The following DIO2 variants were observed in gnomAD, a reference collection of about 807,000 sequenced individuals.
DIO2 encodes type II iodothyronine deiodinase.
A neutral mutation model predicts 21.4 loss-of-function variants in DIO2; 19 were observed. The observed-to-expected ratio is 0.89, with a 90% confidence interval of 0.62 to 1.30. The LOEUF (loss-of-function observed/expected upper bound fraction) is 1.30, where lower values mean the gene tolerates loss of function less well. Ranked by LOEUF, DIO2 falls within the 50% of genes most tolerant of loss-of-function variation. DIO2 has a pLI of 0.00. For missense variants in DIO2, 302 were observed against 338.1 expected, an observed-to-expected ratio of 0.89 and a Z score of 0.84; for synonymous variants, 122 against 132.9, an observed-to-expected ratio of 0.92 and a Z score of 0.57.
chr14:80,230,103 G>A (rs1252371300), intron 2 of DIO2, among the ~76,000 whole-genome samples: 4 of 152,134 alleles, frequency 2.6e-5, no homozygotes, highest in Non-Finnish European at 5.9e-5. Context: ...AGACAAAGGT[G>A]GAAAGACTAA....
At position 80,203,141 on chromosome 14, in the gene DIO2, GT is replaced by G; in HGVS notation, c.369del (p.Leu124Ter). 1 of 1,613,378 alleles carries G rather than the reference GT, an allele frequency of 6.2e-7. No individual in the cohort carries two copies. Among genetic ancestry groups the G allele is most frequent in the Non-Finnish European group, 8.5e-7 (1 of 1,179,658 alleles). ...HLLDFASPER[P>X]LVVNFGSATU... ...GTGGCTGAGCCAAAGTTGACCACTA[GT>G]GGGCGCTCAGGGCTGGCAAAGTCAA... On this transcript the variant is annotated frameshift_variant, in exon 2 of 2. Coordinates refer to ENST00000438257, the MANE Select transcript of DIO2 (RefSeq NM_013989.5). LOFTEE classifies it high-confidence loss of function.
chr14:80,210,812 T>A (rs967035813), intron 1 of DIO2, among the ~76,000 whole-genome samples: 6 of 152,204 alleles, frequency 3.9e-5, no homozygotes, highest in Admixed American at 2.0e-4. Context: ...CATTTCTCAT[T>A]TCTTGCTTTT....
intron 2 of DIO2, chr14:80,231,035 C>T (rs1165040722): frequency 1.3e-5 from 2 of 152,156 alleles, no homozygotes; most frequent in African/African-American, 2.4e-5. Context: ...AAGATGTAGG[C>T]TGGGAGGCTA....
Position 80,203,131 on chromosome 14 carries a change from T to C in DIO2, c.380A>G (p.Asn127Ser), listed in dbSNP as rs1220949843. 15 of 1,613,446 alleles carry C rather than the reference T, an allele frequency of 9.3e-6. No individual in the cohort carries two copies. Among genetic ancestry groups the C allele is most frequent in the Non-Finnish European group, 1.1e-5 (13 of 1,179,736 alleles). The stretch of plus-strand genomic sequence containing the variant: ...AGGAGGTCAAGTGGCTGAGCCAAAG[T>C]TGACCACTAGTGGGCGCTCAGGGCT... ...FASPERPLVVNFGSATUPPFT... is the reference protein window; with the variant it reads ...FASPERPLVVSFGSATUPPFT... The change falls in exon 2 of 2, where the codon AAC becomes AGC. Residue 127 changes from asparagine to serine, a missense_variant. By Grantham distance (46) the Asn-to-Ser change is conservative. Coordinates refer to ENST00000438257, the MANE Select transcript of DIO2 (RefSeq NM_013989.5).
chr14:80,202,770 G>A lies in DIO2; in HGVS notation c.741C>T (p.Phe247=). The part of the protein sequence containing the change: ...KIAYLGGKGP[F]SYNLQEVRHW... ...GCCGGACTTCTTGAAGGTTGTAGGA[G>A]AAGGGGCCCTTTCCTCCCAGATAAG... The change falls in exon 2 of 2, where the codon TTC becomes TTT. Residue 247 remains phenylalanine (F), a synonymous_variant. Coordinates refer to ENST00000438257, the MANE Select transcript of DIO2 (RefSeq NM_013989.5). The A allele has an allele frequency of 6.2e-7, 1 of 1,613,976 alleles. No individual in the cohort carries two copies. Among genetic ancestry groups the A allele is most frequent in the Non-Finnish European group, 8.5e-7 (1 of 1,179,882 alleles).
chr14:80,221,366 C>A (rs1888461088), intron 2 of DIO2, among the ~76,000 whole-genome samples: 1 of 152,064 alleles, frequency 6.6e-6, no homozygotes, highest in Non-Finnish European at 1.5e-5. Flanking sequence ...AGCTAGAAAC[C>A]AATGTTTTGT....
In DIO2 at chr14:80,200,604, G is replaced by A. The variant is rs939402379; in HGVS notation, c.*2085C>T. Reference sequence around the variant, plus strand: ...ATCAATGGGGGCAGAGATAAGCCTTGAATGTAGAAGTTAACAACTGAGGAA... The same window carrying A: ...ATCAATGGGGGCAGAGATAAGCCTTAAATGTAGAAGTTAACAACTGAGGAA... On this transcript the variant is annotated 3_prime_UTR_variant, in exon 2 of 2. Coordinates refer to ENST00000438257, the MANE Select transcript of DIO2 (RefSeq NM_013989.5). The A allele has an allele frequency of 6.6e-6, 1 of 152,184 alleles. No homozygotes were observed. Among genetic ancestry groups the A allele is most frequent in the Admixed American group, 6.5e-5 (1 of 15,280 alleles). 9.4% of individuals were successfully genotyped at this position (152,184 alleles called of 1,614,324 possible).
chr14:80,206,968 T>G (rs1887979715), intron 1 of DIO2, among the ~76,000 whole-genome samples: 1 of 152,178 alleles, frequency 6.6e-6, no homozygotes, highest in Non-Finnish European at 1.5e-5. Flanking sequence ...CTAATTGGTC[T>G]TGAAGTTCCG....
chr14:80,206,419 G>C (rs1887960197), intron 1 of DIO2: 4 of 727,136 alleles, frequency 5.5e-6, no homozygotes, highest in Non-Finnish European at 8.8e-6. Flanking sequence ...GGATATTACT[G>C]TTCATTCTCA....
intron 1 of DIO2, chr14:80,206,251 A>G (rs1448126617): frequency 6.4e-7 from 1 of 1,567,756 alleles, no homozygotes; most frequent in Non-Finnish European, 8.6e-7. Context: ...TCCAAATGTG[A>G]GTAGACCAGT....
At chr14:80,223,838 A>G (rs1254235507) in intron 2 of DIO2, among the ~76,000 whole-genome samples, 1 of 152,218 alleles carries the variant, frequency 6.6e-6, no homozygotes, top group Admixed American at 6.5e-5. Flanking sequence ...AAATCCACAA[A>G]GCAGATGAAA....
At chr14:80,222,181 GA>G (rs764687049) in intron 2 of DIO2, among the ~76,000 whole-genome samples, 4 of 152,024 alleles carry the variant, frequency 2.6e-5, no homozygotes, top group Admixed American at 6.5e-5. Flanking sequence ...TTGCTATATT[GA>G]AAAAAATATT....
intron 1 of DIO2, 122 bp downstream of exon 1, chr14:80,211,129 T>A: frequency 1.1e-6 from 1 of 917,792 alleles, no homozygotes; most frequent in African/African-American, 1.7e-5. Flanking sequence ...GAGGCTCACT[T>A]GGCAACCCCA....
chr14:80,215,019 C>T (rs1045008167), upstream of DIO2, among the ~76,000 whole-genome samples: 21 of 152,182 alleles, frequency 1.4e-4, no homozygotes, highest in Non-Finnish European at 2.9e-4. Flanking sequence ...GTGAGGACTT[C>T]ACATCTGTTT....
In DIO2 at chr14:80,206,466, A is replaced by G. The variant is rs981721253; in HGVS notation, c.223-3178T>C. The stretch of plus-strand genomic sequence containing the variant: ...GGTCACCATAAAAATTAAATTCCTA[A>G]TAGACCAGAGTTTCAAATGGAGAAC... On this transcript the variant is annotated intron_variant, in intron 1 of 1. Transcript: ENST00000438257. 7.2e-6 allele frequency: 4 copies of G among 553,300 alleles called. No individual in the cohort carries two copies. In the African/African-American group the frequency reaches 7.9e-5, roughly 11 times the overall value. 34.3% of individuals were successfully genotyped at this position (553,300 alleles called of 1,614,324 possible).
At chr14:80,213,256 A>T (rs549117121), upstream of DIO2, among the ~76,000 whole-genome samples, 1 of 152,284 alleles carries the variant, frequency 6.6e-6, no homozygotes, top group East Asian at 1.9e-4. Flanking sequence ...TGTGTTACCT[A>T]ATAGATCACT....
At chr14:80,207,042 G>T (rs994644972) in intron 1 of DIO2, among the ~76,000 whole-genome samples, 3 of 152,122 alleles carry the variant, frequency 2.0e-5, no homozygotes, top group Non-Finnish European at 2.9e-5. Flanking sequence ...ATGTGATATT[G>T]TCATCGCTGA....
chr14:80,226,978 A>C (rs1433626870), intron 2 of DIO2, among the ~76,000 whole-genome samples: 1 of 152,146 alleles, frequency 6.6e-6, no homozygotes, highest in Non-Finnish European at 1.5e-5. Flanking sequence ...CATCCAGCCA[A>C]ATGATTGGCT....
Position 80,201,276 on chromosome 14 carries a change from C to T in DIO2, c.*1413G>A, listed in dbSNP as rs1227945203. ...CAAATTCAAATGTCAATGGAAATTC[C>T]ATGATATACCGGGGGTTGCCTTATA... On this transcript the variant is annotated 3_prime_UTR_variant, in exon 2 of 2. Transcript: ENST00000438257. 2.0e-5 allele frequency: 3 copies of T among 151,914 alleles called. No homozygotes were observed. The East Asian group carries it at 5.8e-4, about 29-fold the overall frequency. 9.4% of individuals were successfully genotyped at this position (151,914 alleles called of 1,614,324 possible).
Sources: allele counts gnomAD v4.1 joint callset (sites outside exome capture counted in the v4.1 genomes callset), GRCh38; gene constraint gnomAD v4.1.1; transcripts MANE v1.5; gene names NCBI Gene and HGNC (gene_info 2026-07-23, HGNC 2026-07-21).